Variants in PCSK6 observed in about 807,000 individuals in gnomAD.
PCSK6 encodes the protein paired basic amino acid cleaving enzyme 4.
In PCSK6, 85 loss-of-function variants were observed where a neutral mutation model predicts 123.3. The ratio of observed to expected loss-of-function variants is 0.69; its 90% CI spans 0.58 to 0.83. The LOEUF is 0.83. PCSK6 is among the 40% of genes least tolerant of loss of function. The pLI is 0.00. For missense variants in PCSK6, 1,191 were observed against 1,282.3 expected, an observed-to-expected ratio of 0.93 and a Z score of 1.09; for synonymous variants, 508 against 516.0, an observed-to-expected ratio of 0.98 and a Z score of 0.21.
intron 1 of PCSK6, among the ~76,000 whole-genome samples, chr15:101,468,654 A>G (rs1355354493): frequency 1.3e-5 from 2 of 152,216 alleles, no homozygotes; most frequent in African/African-American, 4.8e-5. Flanking sequence ...CAAAATGTCC[A>G]TGAAGGAGAC....
intron 6 of PCSK6, among the ~76,000 whole-genome samples, chr15:101,427,197 C>T (rs556003225): frequency 8.5e-4 from 129 of 151,976 alleles, no homozygotes; most frequent in Admixed American, 2.5e-3. Flanking sequence ...CAAGACCAGA[C>T]GCACGCGGGG....
chr15:101,350,399 C>T (rs1275854288), intron 13 of PCSK6, among the ~76,000 whole-genome samples: 2 of 152,106 alleles, frequency 1.3e-5, no homozygotes, highest in Admixed American at 1.3e-4. Flanking sequence ...GATTATCTAA[C>T]CTCTACAGTT....
At chr15:101,370,285 G>C (rs905247723) in intron 12 of PCSK6, 50 bp downstream of exon 12, 12 of 1,415,648 alleles carry the variant, frequency 8.5e-6, no homozygotes, top group African/African-American at 5.8e-5. Flanking sequence ...TCTTGTGCAG[G>C]GTCAATCTCA....
At chr15:101,402,906 C>A (rs942415160) in intron 6 of PCSK6, among the ~76,000 whole-genome samples, 1 of 152,080 alleles carries the variant, frequency 6.6e-6, no homozygotes, top group African/African-American at 2.4e-5. Flanking sequence ...TTTGACCCAG[C>A]CATCCCATTA....
chr15:101,384,967 T>G (rs1171641463), intron 9 of PCSK6, among the ~76,000 whole-genome samples: 1 of 152,232 alleles, frequency 6.6e-6, no homozygotes, highest in Non-Finnish European at 1.5e-5. Flanking sequence ...GCCACTAATG[T>G]AACTAAATAC....
At chr15:101,357,888 A>G (rs2041092452) in intron 13 of PCSK6, among the ~76,000 whole-genome samples, 1 of 151,830 alleles carries the variant, frequency 6.6e-6, no homozygotes, top group Non-Finnish European at 1.5e-5. Context: ...CCCCATCCAC[A>G]CTGACGCCTT....
At chr15:101,389,003 G>A (rs1485975160) in intron 9 of PCSK6, among the ~76,000 whole-genome samples, 3 of 152,160 alleles carry the variant, frequency 2.0e-5, no homozygotes, top group South Asian at 2.1e-4. Flanking sequence ...TGGAGATAAG[G>A]CCTTTAAAAA....
intron 1 of PCSK6, 132 bp downstream of exon 1, chr15:101,489,242 C>T: frequency 1.9e-6 from 1 of 519,280 alleles, no homozygotes; most frequent in Non-Finnish European, 2.4e-6. Context: ...CCCGCCGTCC[C>T]CAAGCGGTCC....
chr15:101,305,407 C>A lies in PCSK6; in HGVS notation c.2813-52G>T. Reference sequence around the variant, plus strand: ...AAGAGGGAAAGGTCAGTCTTCGGTGCCTGTGAAGATTGTTTCAAGGCCGGG... The same window carrying A: ...AAGAGGGAAAGGTCAGTCTTCGGTGACTGTGAAGATTGTTTCAAGGCCGGG... On this transcript the variant is annotated intron_variant, in intron 21 of 21. Transcript: ENST00000611716. This position sits in a 1 kb window ranked among gnomAD's most constrained non-coding sequence, Gnocchi z 4.8. 6.7e-7 allele frequency: 1 copy of A among 1,485,198 alleles called. No homozygotes were observed. 92.0% of individuals were successfully genotyped at this position (1,485,198 alleles called of 1,614,324 possible).
chr15:101,401,255 A>G (rs889097472), intron 6 of PCSK6, among the ~76,000 whole-genome samples: 2 of 152,250 alleles, frequency 1.3e-5, no homozygotes, highest in African/African-American at 4.8e-5. Flanking sequence ...GCAGCGATGG[A>G]GGATGGGGCT....
chr15:101,455,221 C>G (rs1187992259), intron 1 of PCSK6, among the ~76,000 whole-genome samples: 1 of 152,234 alleles, frequency 6.6e-6, no homozygotes, highest in Non-Finnish European at 1.5e-5. Context: ...TCTTGTGTCA[C>G]TCAGGATGCT....
At chr15:101,430,186 T>C (rs2141115714) in intron 4 of PCSK6, 123 bp from the exon 5 acceptor site, 2 of 711,138 alleles carry the variant, frequency 2.8e-6, no homozygotes, top group East Asian at 2.7e-5. Context: ...ACTATAGCTA[T>C]AATCTCATAT....
rs77799812 is a variant in PCSK6 at position 101,431,018 on chromosome 15, T to A, written c.657+302A>T. Among the ~76,000 whole-genome samples, 378 of 152,326 alleles carry A rather than the reference T, an allele frequency of 2.5e-3. 2 individuals carry two copies. Among genetic ancestry groups the A allele is most frequent in the African/African-American group, 8.6e-3 (356 of 41,572 alleles). On this transcript the variant is annotated intron_variant, in intron 4 of 21. Transcript: ENST00000611716. ...CACACTGTCACCCTGTCACTGTTCG[T>A]GTTGCTACTATCTGTACGCTGATGA...
At chr15:101,342,539 A>G (rs572366248) in intron 13 of PCSK6, among the ~76,000 whole-genome samples, 11 of 152,324 alleles carry the variant, frequency 7.2e-5, no homozygotes, top group Non-Finnish European at 1.2e-4. Flanking sequence ...TTTTGTATTT[A>G]TGTTCTTGAG....
chr15:101,489,424 C>A lies in PCSK6; in HGVS notation c.247G>T (p.Ala83Ser). ...HWAVQVLGGP[A>S]EADRVAAAHG... The stretch of plus-strand genomic sequence containing the variant: ...GCCGCCGCCACGCGGTCCGCCTCGG[C>A]CGGGCCGCCCAGCACTTGCACCGCC... The change falls in exon 1 of 22, where the codon GCC (alanine) becomes TCC (serine). Residue 83 changes from alanine (A) to serine (S), a missense_variant. Ala to Ser is a moderately conservative substitution (Grantham distance 99). Coordinates refer to ENST00000611716, the MANE Select transcript of PCSK6 (RefSeq NM_002570.5). 7.8e-7 allele frequency: 1 copy of A among 1,281,018 alleles called. No homozygotes were observed. Among genetic ancestry groups the A allele is most frequent in the Non-Finnish European group, 1.0e-6 (1 of 1,000,460 alleles). 79.4% of individuals were successfully genotyped at this position (1,281,018 alleles called of 1,614,324 possible).
intron 2 of PCSK6, among the ~76,000 whole-genome samples, chr15:101,439,251 G>C (rs28433114): frequency 0.03 from 4,539 of 152,330 alleles, 203 homozygotes; most frequent in African/African-American, 0.1. Flanking sequence ...GACAGACTAG[G>C]GTCAGAGACA....
rs2056868484 is a variant in PCSK6 at position 101,445,607 on chromosome 15, C to G, written c.298-1947G>C. Among the ~76,000 whole-genome samples the G allele has an allele frequency of 2.6e-5, 4 of 152,132 alleles. No individual in the cohort carries two copies. In the South Asian group the frequency reaches 8.3e-4, roughly 32 times the overall value. On this transcript the variant is annotated intron_variant, in intron 1 of 21. Coordinates refer to ENST00000611716, the MANE Select transcript of PCSK6 (RefSeq NM_002570.5). ...CACGTGTCAAAAGGCTCCTCCTCAC[C>G]CGCACTAGAGCTGTTATTTAGCTAC...
In PCSK6 at chr15:101,431,351, T is replaced by C. The variant is rs777572420; in HGVS notation, c.626A>G (p.Glu209Gly). The C allele has an allele frequency of 6.2e-7, 1 of 1,614,028 alleles. No individual in the cohort carries two copies. Residue 209 changes from glutamate (E) to glycine (G), a missense_variant, in exon 4 of 22, where the codon GAG becomes GGG. Coordinates refer to ENST00000611716, the MANE Select transcript of PCSK6 (RefSeq NM_002570.5). The stretch of plus-strand genomic sequence containing the variant: ...TGGGGCCAGGTCAGGGTGATTTCTC[T>C]CTATGCCATCATCAAGGATGGTGAC... ...VVVTILDDGI[E>G]RNHPDLAPNY...
At chr15:101,456,532 A>G (rs2057186091) in intron 1 of PCSK6, among the ~76,000 whole-genome samples, 1 of 152,198 alleles carries the variant, frequency 6.6e-6, no homozygotes, top group Non-Finnish European at 1.5e-5. Context: ...AAGGGCCCAC[A>G]TGGGCCCAGG....
Sources: allele counts gnomAD v4.1 joint callset (sites outside exome capture counted in the v4.1 genomes callset), GRCh38; gene constraint gnomAD v4.1.1; non-coding constraint Gnocchi (gnomAD v3.1); transcripts MANE v1.5; gene names NCBI Gene and HGNC (gene_info 2026-07-23, HGNC 2026-07-21).